The following GPC5 variants were observed in gnomAD, a reference collection of about 807,000 sequenced individuals.
GPC5 encodes the protein glypican 5.
GPC5 carries 47 observed loss-of-function variants against 53.9 expected under a neutral mutation model. The observed-to-expected ratio is 0.87, with a 90% CI of 0.69 to 1.11. The LOEUF (loss-of-function observed/expected upper bound fraction) is 1.11, where lower values mean the gene tolerates loss of function less well. GPC5 is among the 50% of genes most tolerant of loss of function. The pLI is 0.00. For missense variants in GPC5, 748 were observed against 713.1 expected (o/e 1.05, Z -0.56); for synonymous variants, 286 against 263.3 (o/e 1.09, Z -0.84).
intron 7 of GPC5, among the ~76,000 whole-genome samples, chr13:92,487,623 T>C (rs1031357601): frequency 1.3e-5 from 2 of 152,138 alleles, no homozygotes; most frequent in Admixed American, 6.5e-5. Context: ...GAAGTGTTTA[T>C]TTCCAAACTA....
At chr13:92,705,692 A>G (rs1018601809) in intron 7 of GPC5, among the ~76,000 whole-genome samples, 2 of 152,082 alleles carry the variant, frequency 1.3e-5, no homozygotes, top group Admixed American at 1.3e-4. Flanking sequence ...TTCCTGGCTC[A>G]CAATACGTCT....
At position 92,562,261 on chromosome 13, in the gene GPC5, G is replaced by A. The variant is rs111228889; in HGVS notation, c.1562-304021G>A. ...TTCACCCTTACGCTGTGCATTTTTC[G>A]CCCAGGCACACCACCACTTCCTTCT... is the stretch of plus-strand genomic sequence containing the variant. On this transcript the variant is annotated intron_variant, in intron 7 of 7. Coordinates refer to ENST00000377067, the MANE Select transcript of GPC5 (RefSeq NM_004466.6). Among the ~76,000 whole-genome samples the A allele has an allele frequency of 2.2e-3, 341 of 151,926 alleles. 2 individuals carry two copies. The highest frequency in any genetic ancestry group is 7.9e-3 in the African/African-American group (329 of 41,480).
intron 7 of GPC5, among the ~76,000 whole-genome samples, chr13:92,718,899 A>C (rs920268449): frequency 6.6e-6 from 1 of 150,672 alleles, no homozygotes; most frequent in Non-Finnish European, 1.5e-5. Context: ...CCCCCACAAA[A>C]AAAAAAAAAA....
chr13:92,741,648 A>T (rs1435381330), intron 7 of GPC5, among the ~76,000 whole-genome samples: 2 of 152,148 alleles, frequency 1.3e-5, no homozygotes, highest in Non-Finnish European at 2.9e-5. Context: ...CAGGTTTGTT[A>T]CATATGTATA....
intron 6 of GPC5, among the ~76,000 whole-genome samples, chr13:92,048,400 C>T (rs890894424): frequency 2.6e-5 from 4 of 151,822 alleles, no homozygotes; most frequent in African/African-American, 7.3e-5. Flanking sequence ...TTGATACATC[C>T]CACCAAACAC....
chr13:92,547,582 GA>G (rs2139010852), intron 7 of GPC5, among the ~76,000 whole-genome samples: 1 of 152,214 alleles, frequency 6.6e-6, no homozygotes, highest in South Asian at 2.1e-4. Context: ...GTCAACTTCA[GA>G]CTGGATACAT....
chr13:92,368,634 TAAAAAAAAAAAAAA>T lies in GPC5; in HGVS notation c.1561+223658_1561+223671del, dbSNP rs34793615. 1.7e-4 allele frequency among the ~76,000 whole-genome samples: 11 copies of T among 66,356 alleles called. No individual in the cohort carries two copies. In the South Asian group the frequency reaches 8.6e-3, roughly 52 times the overall value. The allele number at this position is 66,356 out of a possible 152,430, so 43.5% of individuals were successfully genotyped here. A position where few individuals can be genotyped will look rare whatever the true frequency, so the allele number is the denominator to read the frequency against. On this transcript the variant is annotated intron_variant, in intron 7 of 7. Transcript: ENST00000377067. Reference sequence around the variant, plus strand: ...CCTGGGTGATAGAGCAAGACTGTCTTAAAAAAAAAAAAAAAAAAAAAAAAAACCTGAAAGTTAAA... The same window carrying T: ...CCTGGGTGATAGAGCAAGACTGTCTTAAAAAAAAAAAACCTGAAAGTTAAA...
At chr13:91,964,797 G>T (rs375294644) in intron 6 of GPC5, among the ~76,000 whole-genome samples, 2 of 151,912 alleles carry the variant, frequency 1.3e-5, no homozygotes, top group African/African-American at 4.8e-5. Flanking sequence ...TGTTTATTGC[G>T]GCACTATTCA....
chr13:91,435,195 AT>A (rs1164949192), intron 1 of GPC5, among the ~76,000 whole-genome samples: 1 of 152,166 alleles, frequency 6.6e-6, no homozygotes, highest in Non-Finnish European at 1.5e-5. Flanking sequence ...CTCCTGCCTG[AT>A]TGCCCTGGCC....
intron 2 of GPC5, among the ~76,000 whole-genome samples, chr13:91,531,692 A>G (rs567192342): frequency 2.6e-5 from 4 of 152,190 alleles, no homozygotes; most frequent in Admixed American, 2.0e-4. Context: ...TTTGTTCTTT[A>G]TACAAAAGTA....
At chr13:92,730,264 A>G (rs924220684) in intron 7 of GPC5, among the ~76,000 whole-genome samples, 2 of 151,424 alleles carry the variant, frequency 1.3e-5, no homozygotes, top group East Asian at 3.9e-4. Context: ...ATGTTTCTTT[A>G]TCCAAAGTTT....
rs541445553 is a variant in GPC5, at chr13:91,963,914, G to T, written c.1401+55857G>T. 5.9e-5 allele frequency among the ~76,000 whole-genome samples: 9 copies of T among 152,262 alleles called. No homozygotes were observed. In the East Asian group the frequency reaches 1.7e-3, roughly 29 times the overall value. On this transcript the variant is annotated intron_variant, in intron 6 of 7. Coordinates refer to ENST00000377067, the MANE Select transcript of GPC5 (RefSeq NM_004466.6). ...ACAAGTTAATGCTTTTACACTGTTG[G>T]TGGGACTGTAAACTAGTTCAACCAT...
At chr13:92,480,607 T>C (rs1879311068) in intron 7 of GPC5, among the ~76,000 whole-genome samples, 1 of 152,188 alleles carries the variant, frequency 6.6e-6, no homozygotes, top group African/African-American at 2.4e-5. Context: ...TCTAGTCTCA[T>C]GGTCGCAAGA....
rs572709928 is a variant in GPC5, at chr13:91,410,892, C to T, written c.163+11683C>T. ...TTGGGAGGCTGAGGTGGGCAGATCA[C>T]GAGGTCAAGAGATCGAGACCATCCT... On this transcript the variant is annotated intron_variant, in intron 1 of 7. Transcript: ENST00000377067. 3.9e-5 allele frequency among the ~76,000 whole-genome samples: 6 copies of T among 152,090 alleles called. No homozygotes were observed. In the East Asian group the frequency reaches 5.8e-4, roughly 15 times the overall value.
At position 91,844,708 on chromosome 13, in the gene GPC5, T is replaced by A. The variant is rs567440407; in HGVS notation, c.1281-63229T>A. ...TAACCTTTGATCCTTGTGTGTTTTT[T>A]ATTTTGTTCTGTTTTTGTTTTTGTT... On this transcript the variant is annotated intron_variant, in intron 5 of 7. Coordinates refer to ENST00000377067, the MANE Select transcript of GPC5 (RefSeq NM_004466.6). Among the ~76,000 whole-genome samples the A allele has an allele frequency of 1.6e-4, 25 of 152,190 alleles. 1 individual carries two copies. In the South Asian group the frequency reaches 2.3e-3, roughly 14 times the overall value.
At chr13:91,687,356 G>A (rs1350322904) in intron 2 of GPC5, among the ~76,000 whole-genome samples, 2 of 151,766 alleles carry the variant, frequency 1.3e-5, no homozygotes, top group Non-Finnish European at 2.9e-5. Context: ...AATCATTTGT[G>A]GGTTTAATAA....
At chr13:92,343,187 G>T (rs1243231076) in intron 7 of GPC5, among the ~76,000 whole-genome samples, 1 of 152,090 alleles carries the variant, frequency 6.6e-6, no homozygotes, top group Non-Finnish European at 1.5e-5. Context: ...AGAAAGCACT[G>T]GGTGTTGCCA....
chr13:92,119,347 C>CAGTCA (rs996125759), intron 6 of GPC5, among the ~76,000 whole-genome samples: 3 of 148,080 alleles, frequency 2.0e-5, no homozygotes, highest in African/African-American at 7.5e-5. Context: ...GGTGGGAACA[C>CAGTCA]AGTCAAATCA....
chr13:91,975,473 C>T (rs1259637774), intron 6 of GPC5, among the ~76,000 whole-genome samples: 4 of 152,200 alleles, frequency 2.6e-5, no homozygotes, highest in Non-Finnish European at 4.4e-5. Flanking sequence ...TATGAACAGA[C>T]ACTCCTCAAA....
Sources: allele counts gnomAD v4.1 joint callset (sites outside exome capture counted in the v4.1 genomes callset), GRCh38; gene constraint gnomAD v4.1.1; transcripts MANE v1.5; gene names NCBI Gene and HGNC (gene_info 2026-07-23, HGNC 2026-07-21).